RBFOX1: variants seen among roughly 807,000 people sequenced by gnomAD.
RBFOX1 encodes RNA binding protein fox-1 homolog 1.
A neutral mutation model predicts 57.7 loss-of-function variants in RBFOX1; 8 were observed. The observed-to-expected ratio is 0.14, with a 90% CI of 0.08 to 0.25. RBFOX1 has a LOEUF of 0.25. Ranked by LOEUF, RBFOX1 falls within the 10% of genes least tolerant of loss-of-function variation. The pLI is 1.00. For synonymous variants in RBFOX1, 326 were observed against 222.4 expected, an observed-to-expected ratio of 1.47 and a Z score of -4.15; for missense variants, 611 against 548.5, an observed-to-expected ratio of 1.11 and a Z score of -1.14.
chr16:5,276,523 G>A (rs1243988645), intron 1 of RBFOX1, among the ~76,000 whole-genome samples: 1 of 152,164 alleles, frequency 6.6e-6, no homozygotes. Context: ...CGTGGCTGAC[G>A]CGTGTAATCC....
intron 1 of RBFOX1, among the ~76,000 whole-genome samples, chr16:6,269,204 C>T (rs571385699): frequency 1.3e-5 from 2 of 152,254 alleles, no homozygotes; most frequent in African/African-American, 4.8e-5. Context: ...ATTATACTGT[C>T]TGATGTGATT....
chr16:7,616,259 A>T (rs988137859), intron 10 of RBFOX1, among the ~76,000 whole-genome samples: 7 of 152,204 alleles, frequency 4.6e-5, no homozygotes, highest in African/African-American at 1.7e-4. Context: ...TTTAGAAGAA[A>T]CCTAGCAAAA....
intron 14 of RBFOX1, among the ~76,000 whole-genome samples, chr16:7,686,096 GC>G (rs1327016517): frequency 6.6e-6 from 1 of 151,874 alleles, no homozygotes; most frequent in Non-Finnish European, 1.5e-5. Flanking sequence ...TGAACAGAAA[GC>G]CCCTCTAAGA....
intron 1 of RBFOX1, among the ~76,000 whole-genome samples, chr16:6,161,771 C>G (rs903842095): frequency 4.6e-5 from 7 of 152,178 alleles, no homozygotes; most frequent in African/African-American, 9.7e-5. Context: ...TGTCTTGCTC[C>G]AAGATTGAAA....
At chr16:7,193,165 A>G (rs2085849061) in intron 4 of RBFOX1, among the ~76,000 whole-genome samples, 1 of 152,204 alleles carries the variant, frequency 6.6e-6, no homozygotes, top group Non-Finnish European at 1.5e-5. Flanking sequence ...TGGATCCAAT[A>G]GGATTACATA....
chr16:6,698,918 AT>A (rs1307298630), intron 3 of RBFOX1, among the ~76,000 whole-genome samples: 1 of 152,216 alleles, frequency 6.6e-6, no homozygotes, highest in Non-Finnish European at 1.5e-5. Context: ...TAAAAGAGGC[AT>A]ATTGAATGTG....
At position 5,287,438 on chromosome 16, in the gene RBFOX1, C is replaced by T. The variant is rs906432212; in HGVS notation, c.219+47333C>T. ...TAAATAAAGGCAAGTCAAAGATCTC[C>T]ATCTAGCTATTAAAAATTGGTTAAA... On this transcript the variant is annotated intron_variant, in intron 1 of 2. Transcript: ENST00000585867. Among the ~76,000 whole-genome samples, 48 of 152,208 alleles carry T rather than the reference C, an allele frequency of 3.2e-4. 1 individual carries two copies. Among genetic ancestry groups the T allele is most frequent in the Non-Finnish European group, 2.9e-5 (2 of 68,048 alleles).
chr16:6,183,033 A>G (rs1222782703), intron 1 of RBFOX1, among the ~76,000 whole-genome samples: 1 of 152,210 alleles, frequency 6.6e-6, no homozygotes, highest in Non-Finnish European at 1.5e-5. Flanking sequence ...TTGAGTGTTT[A>G]CTAAGTTCCA....
Position 5,517,159 on chromosome 16 carries a change from C to T in RBFOX1, c.258+49905C>T, listed in dbSNP as rs75051178. ...AGGATGCTGCTGTGGTCACCAGGAGCAGAAACTCCATTAGGCTAGCTCAAG... is the reference window on the plus strand; with the variant it reads ...AGGATGCTGCTGTGGTCACCAGGAGTAGAAACTCCATTAGGCTAGCTCAAG... On this transcript the variant is annotated intron_variant, in intron 2 of 2. Coordinates refer to the RBFOX1 transcript ENST00000585867. Among the ~76,000 whole-genome samples, 557 of 152,228 alleles carry T rather than the reference C, an allele frequency of 3.7e-3. 5 individuals carry two copies. The highest frequency in any genetic ancestry group is 0.012 in the African/African-American group (519 of 41,538).
At chr16:6,158,821 T>A (rs897159309) in intron 1 of RBFOX1, among the ~76,000 whole-genome samples, 3 of 152,172 alleles carry the variant, frequency 2.0e-5, no homozygotes, top group African/African-American at 7.2e-5. Flanking sequence ...GGAATTTGAA[T>A]TCTAAGAGAG....
chr16:6,297,139 C>T (rs59772584), intron 1 of RBFOX1, among the ~76,000 whole-genome samples: 3,396 of 152,234 alleles, frequency 0.022, 123 homozygotes, highest in African/African-American at 0.076. Context: ...CACCAGAAGT[C>T]AGTGTTGTCG....
chr16:6,756,414 T>G (rs1199673036), intron 3 of RBFOX1, among the ~76,000 whole-genome samples: 2 of 152,116 alleles, frequency 1.3e-5, no homozygotes, highest in African/African-American at 4.8e-5. Context: ...AGGCAAAGAT[T>G]TTATGGCTAA....
intron 2 of RBFOX1, among the ~76,000 whole-genome samples, chr16:6,542,260 A>G (rs1347303079): frequency 6.6e-6 from 1 of 151,856 alleles, no homozygotes; most frequent in Non-Finnish European, 1.5e-5. Context: ...GAGATCTATA[A>G]GCCATTCCTG....
chr16:6,601,963 A>G (rs1487978620), intron 2 of RBFOX1, among the ~76,000 whole-genome samples: 2 of 152,054 alleles, frequency 1.3e-5, no homozygotes, highest in African/African-American at 4.8e-5. Context: ...GACCATTCAG[A>G]TAAACAACTC....
At chr16:7,153,551 T>C (rs1374149517) in intron 4 of RBFOX1, among the ~76,000 whole-genome samples, 1 of 150,560 alleles carries the variant, frequency 6.6e-6, no homozygotes, top group Non-Finnish European at 1.5e-5. Flanking sequence ...CCTGGCCAAA[T>C]AGTGAAACCC....
intron 3 of RBFOX1, among the ~76,000 whole-genome samples, chr16:5,635,509 G>A (rs2048655429): frequency 1.3e-5 from 2 of 152,236 alleles, no homozygotes; most frequent in African/African-American, 4.8e-5. Flanking sequence ...GGCTTTGAGT[G>A]ACAAATGTGT....
At chr16:6,910,755 A>G (rs1029708583) in intron 3 of RBFOX1, among the ~76,000 whole-genome samples, 1 of 152,226 alleles carries the variant, frequency 6.6e-6, no homozygotes, top group Non-Finnish European at 1.5e-5. Flanking sequence ...GCCTGGGAAG[A>G]TTACACAGCA....
chr16:7,483,536 G>C (rs1773661552), intron 4 of RBFOX1, among the ~76,000 whole-genome samples: 1 of 152,150 alleles, frequency 6.6e-6, no homozygotes, highest in Admixed American at 6.5e-5. Context: ...ACCTTTCCTG[G>C]GATGCCAACC....
rs150506448 is a variant in RBFOX1, at chr16:6,443,255, C to T, written c.-64+126198C>T. On this transcript the variant is annotated intron_variant, in intron 2 of 15. Coordinates refer to ENST00000550418, the MANE Select transcript of RBFOX1 (RefSeq NM_018723.4). ...GATTTCTTTCCTCCCTTGTTTTCCT[C>T]CCTTTCTTCCTGTAGGATTCCTGCG... Among the ~76,000 whole-genome samples, 1,230 of 152,256 alleles carry T rather than the reference C, an allele frequency of 8.1e-3. 4 individuals are homozygous for T. Among genetic ancestry groups the T allele is most frequent in the Non-Finnish European group, 0.013 (899 of 68,014 alleles).
Sources: gnomAD v4.1 joint callset for allele counts (sites outside exome capture counted in the v4.1 genomes callset) on GRCh38, gnomAD v4.1.1 for gene constraint, MANE v1.5 for transcripts, NCBI Gene and HGNC (gene_info 2026-07-23, HGNC 2026-07-21) for gene names.